RAPGEF5: variants seen among roughly 807,000 people sequenced by gnomAD.
RAPGEF5 encodes the protein Rap guanine nucleotide exchange factor 5.
RAPGEF5 carries 65 observed loss-of-function variants against 125.2 expected under a neutral mutation model. That is an observed-to-expected ratio of 0.52 (90% CI 0.43 to 0.64). The LOEUF is 0.64. Among genes scored for constraint, RAPGEF5 ranks in the 30% least tolerant of loss-of-function variants. The pLI is 0.00. For missense variants in RAPGEF5, 958 were observed against 1,048.1 expected, an observed-to-expected ratio of 0.91 and a Z score of 1.19; for synonymous variants, 391 against 385.9, an observed-to-expected ratio of 1.01 and a Z score of -0.16.
At chr7:22,351,431 C>T (rs990130930) in intron 1 of RAPGEF5, among the ~76,000 whole-genome samples, 3 of 152,148 alleles carry the variant, frequency 2.0e-5, no homozygotes, top group African/African-American at 4.8e-5. Flanking sequence ...GACCCTTTGC[C>T]CTCTCAATGC....
Position 22,356,972 on chromosome 7 carries a change from C to CT in RAPGEF5, c.88_89insA (p.Gly30GlufsTer56). ...GGCGCTGGGGCTGCGGCGCAGGGGG[C>CT]CGTCTGCCGCCACCACCGCCGCCGC... On this transcript the variant is annotated frameshift_variant, in exon 1 of 26. Coordinates refer to ENST00000665637, the MANE Select transcript of RAPGEF5 (RefSeq NM_012294.5). LOFTEE classifies it high-confidence loss of function. 1 of 1,030,308 alleles carries CT rather than the reference C, an allele frequency of 9.7e-7. No homozygotes were observed. The highest frequency in any genetic ancestry group is 1.2e-6 in the Non-Finnish European group (1 of 861,286). The allele number at this position is 1,030,308 out of a possible 1,614,324, so 63.8% of individuals were successfully genotyped here.
chr7:22,196,431 G>A (rs1475991443), intron 9 of RAPGEF5, among the ~76,000 whole-genome samples: 1 of 152,218 alleles, frequency 6.6e-6, no homozygotes, highest in Non-Finnish European at 1.5e-5. Flanking sequence ...TTCATGAAAT[G>A]CAGGTAAAGT....
chr7:22,153,665 C>T lies in RAPGEF5; in HGVS notation c.1786+790G>A, dbSNP rs1783705601. Among the ~76,000 whole-genome samples the T allele has an allele frequency of 2.6e-5, 4 of 152,192 alleles. No homozygotes were observed. In the South Asian group the frequency reaches 8.3e-4, roughly 32 times the overall value. ...AAACAGGAATGCGGTTAATCTGCTC[C>T]CCTCCCCTGCCCGCATCTCTGGTTA... On this transcript the variant is annotated intron_variant, in intron 17 of 25. Transcript: ENST00000665637.
intron 6 of RAPGEF5, among the ~76,000 whole-genome samples, chr7:22,270,241 T>C (rs372522252): frequency 2.6e-5 from 4 of 152,170 alleles, no homozygotes; most frequent in East Asian, 1.9e-4. Context: ...TCAGGGCTGC[T>C]CTCTGGCCAC....
chr7:22,250,223 T>C (rs1201130696), intron 7 of RAPGEF5, among the ~76,000 whole-genome samples: 1 of 152,196 alleles, frequency 6.6e-6, no homozygotes, highest in East Asian at 1.9e-4. Context: ...AATCACTATA[T>C]GACAGTATTT....
At chr7:22,314,358 T>C (rs548911189) in intron 3 of RAPGEF5, among the ~76,000 whole-genome samples, 2 of 152,278 alleles carry the variant, frequency 1.3e-5, no homozygotes, top group African/African-American at 2.4e-5. Flanking sequence ...ACATTTAAGA[T>C]TTGCGCATTT....
chr7:22,198,947 C>T (rs1785212688), intron 9 of RAPGEF5, among the ~76,000 whole-genome samples: 1 of 152,186 alleles, frequency 6.6e-6, no homozygotes, highest in Non-Finnish European at 1.5e-5. Context: ...TTAACCAGAA[C>T]CACAGATGTC....
intron 6 of RAPGEF5, among the ~76,000 whole-genome samples, chr7:22,288,384 CACCT>C (rs1180295314): frequency 6.6e-6 from 1 of 152,208 alleles, no homozygotes; most frequent in East Asian, 1.9e-4. Flanking sequence ...CCCCCAAAAT[CACCT>C]ACCTTACTGC....
chr7:22,316,399 C>CTATATA (rs200119874), intron 2 of RAPGEF5, among the ~76,000 whole-genome samples: 2 of 135,118 alleles, frequency 1.5e-5, no homozygotes, highest in East Asian at 2.2e-4. Flanking sequence ...TGTGTATCTA[C>CTATATA]TATATATATA....
intron 7 of RAPGEF5, among the ~76,000 whole-genome samples, chr7:22,243,299 C>T (rs1224366921): frequency 6.6e-6 from 1 of 152,104 alleles, no homozygotes; most frequent in Non-Finnish European, 1.5e-5. Flanking sequence ...CTCAGCCACC[C>T]AGGCTGGAGT....
At chr7:22,338,283 C>T (rs1045963477) in intron 1 of RAPGEF5, among the ~76,000 whole-genome samples, 23 of 152,184 alleles carry the variant, frequency 1.5e-4, no homozygotes, top group African/African-American at 4.1e-4. Flanking sequence ...GTAGCTCTAA[C>T]TCTGGTGGGT....
At chr7:22,339,180 T>C (rs1378290971) in intron 1 of RAPGEF5, among the ~76,000 whole-genome samples, 2 of 152,200 alleles carry the variant, frequency 1.3e-5, no homozygotes, top group East Asian at 1.9e-4. Flanking sequence ...TCCCAACTGC[T>C]AGCAAGCAAC....
At chr7:22,309,645 AC>A (rs1342401369) in intron 4 of RAPGEF5, among the ~76,000 whole-genome samples, 4 of 152,184 alleles carry the variant, frequency 2.6e-5, no homozygotes, top group Non-Finnish European at 5.9e-5. Context: ...TAAATCACAC[AC>A]TTAGAGCAAC....
At chr7:22,161,537 A>AACAC (rs369030719) in intron 13 of RAPGEF5, among the ~76,000 whole-genome samples, 16,534 of 135,850 alleles carry the variant, frequency 0.12, 1,031 homozygotes, top group Middle Eastern at 0.17. Context: ...ACCCTGTCTC[A>AACAC]ACACACACAC....
chr7:22,209,301 T>A (rs1785459351), intron 9 of RAPGEF5, among the ~76,000 whole-genome samples: 2 of 152,362 alleles, frequency 1.3e-5, no homozygotes, highest in Middle Eastern at 3.4e-3. Context: ...TAGGCAGAAG[T>A]CTGCCTTGTG....
At chr7:22,262,957 C>A (rs1369253077) in intron 7 of RAPGEF5, among the ~76,000 whole-genome samples, 2 of 152,040 alleles carry the variant, frequency 1.3e-5, no homozygotes, top group African/African-American at 2.4e-5. Context: ...AGAGTGAGAC[C>A]CTGTCTCAAA....
Position 22,356,943 on chromosome 7 carries a change from C to T in RAPGEF5, c.118G>A (p.Glu40Lys), listed in dbSNP as rs1784433369. 3 of 1,057,044 alleles carry T rather than the reference C, an allele frequency of 2.8e-6. No individual in the cohort carries two copies. The highest frequency in any genetic ancestry group is 4.3e-4 in the Middle Eastern group (1 of 2,300). The allele number at this position is 1,057,044 out of a possible 1,614,324, so 65.5% of individuals were successfully genotyped here. The change falls in exon 1 of 26, where the codon GAG (glutamate) becomes AAG (lysine). Residue 40 changes from glutamate (E) to lysine (K), a missense_variant. Glu to Lys is a moderately conservative substitution (Grantham distance 56). Transcript: ENST00000665637. ...GPLRRSPSAR[E>K]PEREQPPASL... ...GCCGGCGGCTGCTCGCGCTCGGGCT[C>T]CCGGGCGCTGGGGCTGCGGCGCAGG...
intron 3 of RAPGEF5, chr7:22,314,750 T>C (rs973385272): frequency 4.0e-6 from 2 of 499,436 alleles, no homozygotes; most frequent in Non-Finnish European, 2.6e-6. Context: ...AAAAAGCTAA[T>C]AATTTACTTT....
chr7:22,160,689 T>G (rs1783959682), intron 13 of RAPGEF5, 74 bp from the exon 14 acceptor site: 2 of 1,419,386 alleles, frequency 1.4e-6, no homozygotes, highest in East Asian at 5.5e-5. Flanking sequence ...ATACCATGGC[T>G]ATCCTAACAC....
Sources: gnomAD v4.1 joint callset for allele counts (sites outside exome capture counted in the v4.1 genomes callset) on GRCh38, gnomAD v4.1.1 for gene constraint, MANE v1.5 for transcripts, NCBI Gene and HGNC (gene_info 2026-07-23, HGNC 2026-07-21) for gene names.